The following USP16 variants were observed in gnomAD, a reference collection of about 807,000 sequenced individuals.
USP16 encodes the protein ubiquitin carboxyl-terminal hydrolase 16.
Under a neutral mutation model 95.9 loss-of-function variants are expected in USP16, and 77 were observed. That is an observed-to-expected ratio of 0.80 (90% CI 0.67 to 0.97). The LOEUF (loss-of-function observed/expected upper bound fraction) is 0.97. USP16 is among the 50% of genes least tolerant of loss of function. USP16 has a pLI of 0.00. For synonymous variants in USP16, 303 were observed against 318.2 expected (o/e 0.95, Z 0.51); for missense variants, 943 against 959.9 (o/e 0.98, Z 0.23).
At chr21:29,026,428 C>T (rs2084988337) in intron 1 of USP16, 1 of 135,006 alleles carries the variant, frequency 7.4e-6, no homozygotes, top group Non-Finnish European at 1.5e-5. Context: ...TGCACTCCGG[C>T]CTGGGCGACA....
chr21:29,037,630 G>C (rs980769129), intron 6 of USP16, among the ~76,000 whole-genome samples, 167 bp downstream of exon 6: 1 of 135,784 alleles, frequency 7.4e-6, no homozygotes, highest in Non-Finnish European at 1.5e-5. Context: ...TCTGTCACTC[G>C]GCTGGAGTGC....
intron 13 of USP16, 46 bp downstream of exon 13, chr21:29,043,645 G>A: frequency 6.9e-7 from 1 of 1,446,188 alleles, no homozygotes; most frequent in Non-Finnish European, 9.1e-7. Flanking sequence ...TTTATATTTT[G>A]AGCTATTGAG....
chr21:29,046,315 A>AT (rs935798574), intron 13 of USP16, among the ~76,000 whole-genome samples: 4 of 150,242 alleles, frequency 2.7e-5, no homozygotes, highest in African/African-American at 9.8e-5. Flanking sequence ...TTTTATTTTT[A>AT]TTTTTTTTTA....
intron 16 of USP16, among the ~76,000 whole-genome samples, chr21:29,050,828 G>T (rs2085402291): frequency 6.6e-6 from 1 of 152,206 alleles, no homozygotes; most frequent in Non-Finnish European, 1.5e-5. Context: ...ACAGTGGGGA[G>T]CCCTGAGGAG....
At chr21:29,036,796 A>G (rs909441669) in intron 5 of USP16, among the ~76,000 whole-genome samples, 2 of 152,258 alleles carry the variant, frequency 1.3e-5, no homozygotes, top group Admixed American at 6.5e-5. Context: ...ATTGGCTGAC[A>G]TACAGCATTT....
chr21:29,047,440 G>A (rs2085344400), intron 14 of USP16, 119 bp downstream of exon 14: 1 of 1,146,996 alleles, frequency 8.7e-7, no homozygotes, highest in African/African-American at 1.6e-5. Context: ...GTCCTTTTCT[G>A]TGTAAATATT....
At chr21:29,024,911 C>T (rs2084962901) in intron 1 of USP16, 134 bp downstream of exon 1, 21 of 926,660 alleles carry the variant, frequency 2.3e-5, no homozygotes, top group Non-Finnish European at 2.8e-5. Context: ...GGCTACTTTC[C>T]GGTACTGCGA....
At position 29,054,157 on chromosome 21, in the gene USP16, G is replaced by C; in HGVS notation, c.2442G>C (p.Ala814=). Residue 814 remains alanine (A), a synonymous_variant, in exon 18 of 18, where the codon GCG becomes GCC. Coordinates refer to ENST00000399976, the MANE Select transcript of USP16 (RefSeq NM_006447.3). ...CAACTAAAGTACTAAACTCACAAGC[G>C]TACCTCCTATTTTATGAGAGAATAC... The part of the protein sequence containing the change: ...VPTTKVLNSQ[A]YLLFYERIL 6.2e-7 allele frequency: 1 copy of C among 1,614,030 alleles called. No individual in the cohort carries two copies. The highest frequency in any genetic ancestry group is 1.1e-5 in the South Asian group (1 of 91,078).
At chr21:29,048,359 A>G (rs1289856709) in intron 14 of USP16, among the ~76,000 whole-genome samples, 1 of 152,154 alleles carries the variant, frequency 6.6e-6, no homozygotes, top group Non-Finnish European at 1.5e-5. Context: ...CTGGGATTAC[A>G]GCGTGAGCCA....
intron 2 of USP16, among the ~76,000 whole-genome samples, chr21:29,030,197 A>G (rs1248661269): frequency 2.0e-5 from 3 of 152,082 alleles, no homozygotes; most frequent in African/African-American, 4.8e-5. Flanking sequence ...TGGGCTCCTG[A>G]GCGTCTAGCA....
chr21:29,047,611 T>G (rs2085346597), intron 14 of USP16, among the ~76,000 whole-genome samples: 1 of 152,110 alleles, frequency 6.6e-6, no homozygotes, highest in South Asian at 2.1e-4. Context: ...AGTGGCTATT[T>G]TTTTCCACCC....
At chr21:29,030,536 T>G in intron 2 of USP16, 59 bp from the exon 3 acceptor site, 2 of 1,389,386 alleles carry the variant, frequency 1.4e-6, no homozygotes, top group East Asian at 5.0e-5. Flanking sequence ...GTTTTGAGAT[T>G]AACTGAAGAA....
intron 1 of USP16, among the ~76,000 whole-genome samples, chr21:29,026,830 A>C (rs1220597522): frequency 6.6e-6 from 1 of 152,158 alleles, no homozygotes; most frequent in Non-Finnish European, 1.5e-5. Flanking sequence ...GATCAAAAGC[A>C]CTATATAGTT....
chr21:29,031,758 C>T (rs966947230), intron 3 of USP16, among the ~76,000 whole-genome samples: 1 of 152,064 alleles, frequency 6.6e-6, no homozygotes, highest in South Asian at 2.1e-4. Flanking sequence ...TGTTTTTTCA[C>T]GTTTTCAAAT....
chr21:29,046,794 C>G lies in USP16; in HGVS notation c.1484C>G (p.Ser495Cys). The stretch of plus-strand genomic sequence containing the variant: ...CTTCAAGGAGAAGTAAATATTAAAT[C>G]CAACCATATTTCACAAGAGGGTGTT... Reference protein sequence around the residue: ...MSLQGEVNIKSNHISQEGVMH... With the variant: ...MSLQGEVNIKCNHISQEGVMH... Residue 495 changes from serine to cysteine, a missense_variant, in exon 14 of 18, where the codon TCC becomes TGC. Ser to Cys is a moderately radical substitution (Grantham distance 112, BLOSUM62 -1). Coordinates refer to ENST00000399976, the MANE Select transcript of USP16 (RefSeq NM_006447.3). 2.5e-6 allele frequency: 4 copies of G among 1,614,022 alleles called. No individual in the cohort carries two copies. The highest frequency in any genetic ancestry group is 3.4e-6 in the Non-Finnish European group (4 of 1,179,994).
At chr21:29,035,842 C>T (rs1386574270) in intron 4 of USP16, among the ~76,000 whole-genome samples, 1 of 151,964 alleles carries the variant, frequency 6.6e-6, no homozygotes, top group Non-Finnish European at 1.5e-5. Context: ...TGGCATGAAC[C>T]AGGGAGCTGG....
chr21:29,032,209 G>A lies in USP16; in HGVS notation c.240+1436G>A, dbSNP rs1010404638. Among the ~76,000 whole-genome samples, 4 of 152,126 alleles carry A rather than the reference G, an allele frequency of 2.6e-5. No individual in the cohort carries two copies. In the South Asian group the frequency reaches 8.3e-4, roughly 32 times the overall value. On this transcript the variant is annotated intron_variant, in intron 3 of 17. Transcript: ENST00000399976. ...TGTTATGTAAATGGAGTCATACAGT[G>A]TGCAACATTTGGGGATTGGCTTTTG... is the stretch of plus-strand genomic sequence containing the variant.
intron 13 of USP16, among the ~76,000 whole-genome samples, chr21:29,045,201 C>T (rs62222373): frequency 0.038 from 5,710 of 152,118 alleles, 128 homozygotes; most frequent in Middle Eastern, 0.1. Flanking sequence ...TCTGTTTTTA[C>T]GGAAACACAT....
chr21:29,037,825 G>A (rs941862116), intron 6 of USP16, among the ~76,000 whole-genome samples: 12 of 152,032 alleles, frequency 7.9e-5, no homozygotes, highest in East Asian at 3.9e-4. Context: ...GGCTTAAGCC[G>A]TCCACCCCCT....
Sources: allele counts gnomAD v4.1 joint callset (sites outside exome capture counted in the v4.1 genomes callset), GRCh38; gene constraint gnomAD v4.1.1; transcripts MANE v1.5; gene names NCBI Gene and HGNC (gene_info 2026-07-23, HGNC 2026-07-21).